The following TRAPPC9 variants were observed in gnomAD, a reference collection of about 807,000 sequenced individuals.
TRAPPC9 encodes the protein IKK2 binding protein.
Under a neutral mutation model 124.0 loss-of-function variants are expected in TRAPPC9, and 83 were observed. That is an observed-to-expected ratio of 0.67 (90% CI 0.56 to 0.80). The LOEUF is 0.80. Ranked by LOEUF, TRAPPC9 falls within the 30% of genes least tolerant of loss-of-function variation. The pLI is 0.00. For synonymous variants in TRAPPC9, 638 were observed against 617.5 expected, an observed-to-expected ratio of 1.03 and a Z score of -0.49; for missense variants, 1,302 against 1,508.3, an observed-to-expected ratio of 0.86 and a Z score of 2.27.
intron 14 of TRAPPC9, among the ~76,000 whole-genome samples, chr8:140,283,163 G>GGGAGGT (rs2065375108): frequency 6.6e-6 from 1 of 151,754 alleles, no homozygotes; most frequent in Non-Finnish European, 1.5e-5. Flanking sequence ...GCTTGAACCT[G>GGGAGGT]GGAGGTGGAG....
chr8:139,869,797 T>G (rs1328386258), intron 21 of TRAPPC9, among the ~76,000 whole-genome samples: 1 of 152,200 alleles, frequency 6.6e-6, no homozygotes, highest in Non-Finnish European at 1.5e-5. Flanking sequence ...GAAGTTTTTT[T>G]AAAAACTATC....
chr8:139,805,643 T>C (rs1823995316), intron 21 of TRAPPC9, among the ~76,000 whole-genome samples: 1 of 152,036 alleles, frequency 6.6e-6, no homozygotes, highest in South Asian at 2.1e-4. Flanking sequence ...TATTTTGACA[T>C]ATAAAACCTT....
chr8:140,341,630 C>G (rs2067197139), intron 9 of TRAPPC9, among the ~76,000 whole-genome samples: 1 of 150,862 alleles, frequency 6.6e-6, no homozygotes, highest in Non-Finnish European at 1.5e-5. Flanking sequence ...AAGTCCTTTT[C>G]AGAGAACTCA....
chr8:140,201,278 G>C (rs1182788708), intron 17 of TRAPPC9, among the ~76,000 whole-genome samples: 1 of 152,210 alleles, frequency 6.6e-6, no homozygotes, highest in African/African-American at 2.4e-5. Flanking sequence ...ATAGATATTG[G>C]AAACCAGAAT....
rs77443478 is a variant in TRAPPC9, at chr8:140,081,146, A to C, written c.2557-57067T>G. Among the ~76,000 whole-genome samples, 3 of 152,246 alleles carry C rather than the reference A, an allele frequency of 2.0e-5. No individual in the cohort carries two copies. The East Asian group carries it at 5.8e-4, about 29-fold the overall frequency. ...TCTATCCCCAGTGCGTCTGCAGCTG[A>C]GAAGCCTGCCCTCCTTCCTCAGCAG... On this transcript the variant is annotated intron_variant, in intron 17 of 22. Transcript: ENST00000438773.
rs1457060363 is a variant in TRAPPC9 at position 140,104,782 on chromosome 8, T to TA, written c.2557-80704dup. Among the ~76,000 whole-genome samples, 1 of 152,230 alleles carries TA rather than the reference T, an allele frequency of 6.6e-6. No individual in the cohort carries two copies. The highest frequency in any genetic ancestry group is 1.5e-5 in the Non-Finnish European group (1 of 68,026). On this transcript the variant is annotated intron_variant, in intron 17 of 22. Transcript: ENST00000438773. This position sits in a 1 kb window ranked among gnomAD's most constrained non-coding sequence, Gnocchi z 4.0. ...CGGTTCACACCGACAAGGTACTTCT[T>TA]AAACATCCTTCTTGTGATTAGGACA...
intron 17 of TRAPPC9, among the ~76,000 whole-genome samples, chr8:140,184,731 C>T (rs144511178): frequency 0.013 from 1,989 of 152,238 alleles, 155 homozygotes; most frequent in Admixed American, 0.11. Context: ...TACAAGCATC[C>T]TAAATACCAT....
At chr8:139,765,040 T>C (rs781145800) in intron 21 of TRAPPC9, among the ~76,000 whole-genome samples, 4 of 152,200 alleles carry the variant, frequency 2.6e-5, no homozygotes, top group Admixed American at 6.5e-5. Context: ...AGACACTCCG[T>C]CACCTTCTTG....
At chr8:140,263,211 A>G (rs2064491342) in intron 15 of TRAPPC9, among the ~76,000 whole-genome samples, 1 of 152,134 alleles carries the variant, frequency 6.6e-6, no homozygotes, top group African/African-American at 2.4e-5. Context: ...CCACTCCAAA[A>G]AAGAGCAGAG....
At chr8:139,911,651 G>A (rs1192639213) in intron 19 of TRAPPC9, among the ~76,000 whole-genome samples, 1 of 151,900 alleles carries the variant, frequency 6.6e-6, no homozygotes, top group Non-Finnish European at 1.5e-5. Context: ...GTTGCAGTGA[G>A]CCGAGATTGT....
At chr8:140,425,980 C>T (rs2132549486) in intron 5 of TRAPPC9, among the ~76,000 whole-genome samples, 1 of 152,294 alleles carries the variant, frequency 6.6e-6, no homozygotes, top group Non-Finnish European at 1.5e-5. Flanking sequence ...GCGATGAAAG[C>T]GAATGTGTTA....
At chr8:140,125,309 C>T (rs550901613) in intron 17 of TRAPPC9, among the ~76,000 whole-genome samples, 170 of 152,244 alleles carry the variant, frequency 1.1e-3, no homozygotes, top group Non-Finnish European at 1.9e-3. Flanking sequence ...GGGGAGGCAC[C>T]GAAAGGAGTG....
At chr8:140,274,815 C>T (rs1378360836) in intron 15 of TRAPPC9, among the ~76,000 whole-genome samples, 2 of 152,146 alleles carry the variant, frequency 1.3e-5, no homozygotes, top group Non-Finnish European at 2.9e-5. Context: ...ATTAGTACAT[C>T]ATCTACTGGA....
At chr8:140,419,439 A>AC (rs1471595657) in intron 5 of TRAPPC9, among the ~76,000 whole-genome samples, 1 of 142,662 alleles carries the variant, frequency 7.0e-6, no homozygotes, top group African/African-American at 2.7e-5. Context: ...AAAAAAAAAA[A>AC]AAAAAAAAAA....
In TRAPPC9 at chr8:139,925,821, G is replaced by GCA. The variant is rs745416331; in HGVS notation, c.2811-15523_2811-15522dup. Among the ~76,000 whole-genome samples the GCA allele has an allele frequency of 1.1e-3, 154 of 146,056 alleles. 1 individual carries two copies. The highest frequency in any genetic ancestry group is 3.4e-3 in the African/African-American group (130 of 37,888). The stretch of plus-strand genomic sequence containing the variant: ...CTACCCAGCACACGCACACGCACAC[G>GCA]CACACGCACACACACACACACACAC... On this transcript the variant is annotated intron_variant, in intron 19 of 22. Transcript: ENST00000438773.
chr8:140,139,901 T>C (rs1411063354), intron 17 of TRAPPC9, among the ~76,000 whole-genome samples: 2 of 152,202 alleles, frequency 1.3e-5, no homozygotes, highest in South Asian at 4.1e-4. Context: ...ATGCTGTATG[T>C]CACCTTATGA....
chr8:140,101,292 A>G (rs956900885), intron 17 of TRAPPC9, among the ~76,000 whole-genome samples: 1 of 151,982 alleles, frequency 6.6e-6, no homozygotes, highest in East Asian at 1.9e-4. Context: ...GGTCCACACT[A>G]CGATGCCTAA....
intron 21 of TRAPPC9, among the ~76,000 whole-genome samples, chr8:139,883,046 TG>T (rs1829775855): frequency 6.6e-6 from 1 of 152,160 alleles, no homozygotes; most frequent in South Asian, 2.1e-4. Flanking sequence ...AGCCTTTAAT[TG>T]GTGATTGGGT....
chr8:140,257,496 G>T lies in TRAPPC9; in HGVS notation c.2279-4567C>A, dbSNP rs1047463557. ...AGCCTCCCCAGACAGGAGCCCAGGA[G>T]TGGGAAAAAGGACCCCGTGCCATGC... On this transcript the variant is annotated intron_variant, in intron 15 of 22. Transcript: ENST00000438773. The surrounding 1 kb of genome is among the most constrained non-coding windows in gnomAD (Gnocchi z 4.6). Among the ~76,000 whole-genome samples the T allele has an allele frequency of 3.9e-5, 6 of 152,228 alleles. No individual in the cohort carries two copies. The highest frequency in any genetic ancestry group is 1.2e-4 in the African/African-American group (5 of 41,450).
Sources: gnomAD v4.1 joint callset for allele counts (sites outside exome capture counted in the v4.1 genomes callset) on GRCh38, gnomAD v4.1.1 for gene constraint, Gnocchi (gnomAD v3.1) non-coding constraint, MANE v1.5 for transcripts, NCBI Gene and HGNC (gene_info 2026-07-23, HGNC 2026-07-21) for gene names.